Variants in LRRK2 observed in about 807,000 individuals in gnomAD.
LRRK2 encodes leucine-rich repeat serine/threonine-protein kinase 2.
LRRK2 carries 203 observed loss-of-function variants against 302.6 expected under a neutral mutation model. The observed-to-expected ratio is 0.67, with a 90% CI of 0.60 to 0.75. The LOEUF (loss-of-function observed/expected upper bound fraction) is 0.75, where lower values mean the gene tolerates loss of function less well. Among genes scored for constraint, LRRK2 ranks in the 30% least tolerant of loss-of-function variants. The probability of loss-of-function intolerance (pLI) is 0.00; values close to 1 mark genes in which losing one functional copy is unlikely to be tolerated. For missense variants in LRRK2, 2,830 were observed against 2,951.0 expected (o/e 0.96, Z 0.95); for synonymous variants, 1,066 against 1,031.9 (o/e 1.03, Z -0.63).
chr12:40,247,417 C>A (rs1942031547), intron 7 of LRRK2, among the ~76,000 whole-genome samples: 1 of 107,354 alleles, frequency 9.3e-6, no homozygotes, highest in African/African-American at 2.8e-5. Context: ...TCACATACTT[C>A]ATATATATGA....
At chr12:40,354,524 T>C in intron 45 of LRRK2, 32 bp downstream of exon 45, 1 of 1,578,166 alleles carries the variant, frequency 6.3e-7, no homozygotes, top group South Asian at 1.1e-5. Context: ...ATGGGGAAAT[T>C]ACAGATCTTT....
At chr12:40,364,651 T>C (rs545347497) in intron 48 of LRRK2, among the ~76,000 whole-genome samples, 191 bp from the exon 49 acceptor site, 1 of 152,132 alleles carries the variant, frequency 6.6e-6, no homozygotes, top group East Asian at 1.9e-4. Context: ...TGATAATTTA[T>C]GCTTCAAGTA....
intron 14 of LRRK2, among the ~76,000 whole-genome samples, chr12:40,269,899 G>A (rs1375287347): frequency 6.6e-6 from 1 of 151,978 alleles, no homozygotes; most frequent in Non-Finnish European, 1.5e-5. Context: ...GTATATGTTT[G>A]CTTTTATAGC....
chr12:40,305,535 T>C (rs1944786601), intron 27 of LRRK2, among the ~76,000 whole-genome samples: 1 of 152,152 alleles, frequency 6.6e-6, no homozygotes, highest in Non-Finnish European at 1.5e-5. Context: ...CCAAAGGAGA[T>C]TGGGTTTTTT....
At chr12:40,322,203 T>A in intron 36 of LRRK2, 22 bp downstream of exon 36, 1 of 1,601,298 alleles carries the variant, frequency 6.2e-7, no homozygotes, top group Middle Eastern at 1.7e-4. Flanking sequence ...AATTTGAATG[T>A]TTTCAATTGC....
intron 12 of LRRK2, among the ~76,000 whole-genome samples, chr12:40,258,905 C>G (rs987053452): frequency 7.2e-5 from 11 of 152,126 alleles, no homozygotes; most frequent in African/African-American, 2.4e-4. Context: ...GTTCATAGTA[C>G]CTACTGCATT....
At chr12:40,242,065 C>T (rs1347418574) in intron 6 of LRRK2, among the ~76,000 whole-genome samples, 2 of 152,054 alleles carry the variant, frequency 1.3e-5, no homozygotes, top group African/African-American at 2.4e-5. Flanking sequence ...TTGGACATAA[C>T]TCCAGTAAAA....
In LRRK2 at chr12:40,328,266, A is replaced by T. The variant is rs1665356730; in HGVS notation, c.5657-94A>T. On this transcript the variant is annotated intron_variant, in intron 38 of 50. Transcript: ENST00000298910. ...ACAAGTAGGTCAGGTTTCTATTCAA[A>T]TTTACAACAGATATAATTACAACAG... The T allele has an allele frequency of 4.1e-6, 4 of 970,688 alleles. No individual in the cohort carries two copies. In the South Asian group the frequency reaches 5.5e-5, roughly 13 times the overall value. 60.1% of individuals were successfully genotyped at this position (970,688 alleles called of 1,614,324 possible). A position where few individuals can be genotyped will look rare whatever the true frequency, so the allele number is the denominator to read the frequency against.
intron 19 of LRRK2, among the ~76,000 whole-genome samples, chr12:40,285,960 A>G (rs1234039714): frequency 6.6e-6 from 1 of 152,124 alleles, no homozygotes; most frequent in Non-Finnish European, 1.5e-5. Context: ...TTACTGAGAC[A>G]TGGTTAGATC....
intron 20 of LRRK2, among the ~76,000 whole-genome samples, chr12:40,290,728 C>T (rs1340414523): frequency 6.6e-6 from 1 of 151,786 alleles, no homozygotes; most frequent in Non-Finnish European, 1.5e-5. Flanking sequence ...TTTAATTATC[C>T]TGTTAATCTC....
intron 42 of LRRK2, among the ~76,000 whole-genome samples, chr12:40,347,520 G>T (rs1344835175): frequency 6.6e-6 from 1 of 152,134 alleles, no homozygotes; most frequent in Non-Finnish European, 1.5e-5. Flanking sequence ...ACTTTTGAGT[G>T]TACACAATGT....
At chr12:40,302,165 G>C (rs535761726) in intron 25 of LRRK2, among the ~76,000 whole-genome samples, 1 of 151,930 alleles carries the variant, frequency 6.6e-6, no homozygotes, top group African/African-American at 2.4e-5. Context: ...GCAACAGAGC[G>C]AGACTCTGTC....
chr12:40,365,321 A>G (rs1400513943), intron 49 of LRRK2: 4 of 386,538 alleles, frequency 1.0e-5, no homozygotes, highest in Non-Finnish European at 1.4e-5. Context: ...ACCTAAGGCA[A>G]AAATGGGAAA....
chr12:40,363,601 C>A, intron 48 of LRRK2, 47 bp downstream of exon 48: 3 of 1,587,066 alleles, frequency 1.9e-6, no homozygotes, highest in Non-Finnish European at 2.6e-6. Context: ...ATTATCTTTG[C>A]ACTTCATGTG....
chr12:40,346,619 A>T (rs1235928152), intron 41 of LRRK2, 134 bp from the exon 42 acceptor site: 4 of 811,146 alleles, frequency 4.9e-6, no homozygotes, highest in Non-Finnish European at 6.0e-6. Context: ...GTACCTTGTT[A>T]TAAAAATAAC....
At position 40,350,574 on chromosome 12, in the gene LRRK2, G is replaced by A. The variant is rs548144416; in HGVS notation, c.6382-965G>A. Among the ~76,000 whole-genome samples, 4 of 152,264 alleles carry A rather than the reference G, an allele frequency of 2.6e-5. No homozygotes were observed. The South Asian group carries it at 8.3e-4, about 32-fold the overall frequency. The stretch of plus-strand genomic sequence containing the variant: ...TTTAATAAATGTGGGTTATCTTTAT[G>A]TTGTGAGCTCTTGATTTGGTATTAT... On this transcript the variant is annotated intron_variant, in intron 43 of 50. Transcript: ENST00000298910.
In LRRK2 at chr12:40,251,261, G is replaced by C; in HGVS notation, c.988G>C (p.Glu330Gln). The C allele has an allele frequency of 6.2e-7, 1 of 1,603,816 alleles. No homozygotes were observed. The highest frequency in any genetic ancestry group is 8.5e-7 in the Non-Finnish European group (1 of 1,173,588). ...GACTATTTTCTTAAATCAAGATTTAGAGGAAAAGAATGAGAATCAAGAGAA... is the reference window on the plus strand; with the variant it reads ...GACTATTTTCTTAAATCAAGATTTACAGGAAAAGAATGAGAATCAAGAGAA... ...TETIFLNQDLEEKNENQENDD... is the reference protein window; with the variant it reads ...TETIFLNQDLQEKNENQENDD... The change falls in exon 9 of 51, where the codon GAG becomes CAG. Residue 330 changes from glutamate to glutamine, a missense_variant. This residue lies in a region of LRRK2 where 2,121 missense variants were observed against 2,148.0 expected (regional missense o/e 0.99). Transcript: ENST00000298910.
chr12:40,278,185 G>A lies in LRRK2; in HGVS notation c.2165G>A (p.Ser722Asn), dbSNP rs757594705. Residue 722 changes from serine (S) to asparagine (N), a missense_variant, in exon 18 of 51, where the codon AGC becomes AAC. By Grantham distance (46) the Ser-to-Asn change is conservative (BLOSUM62 1). Around this residue, in one of 3 missense-constraint regions of LRRK2, gnomAD observed 2,121 missense variants for 2,148.0 expected, o/e 0.99. Coordinates refer to ENST00000298910, the MANE Select transcript of LRRK2 (RefSeq NM_198578.4). ...MLERACDQNNSIMVECLLLLG... is the reference protein window; with the variant it reads ...MLERACDQNNNIMVECLLLLG... Reference sequence around the variant, plus strand: ...GAGAGAGCGTGTGATCAGAATAACAGCATCATGGTTGAATGCTTGCTTCTA... The same window carrying A: ...GAGAGAGCGTGTGATCAGAATAACAACATCATGGTTGAATGCTTGCTTCTA... The A allele has an allele frequency of 1.9e-6, 3 of 1,614,114 alleles. No homozygotes were observed. The highest frequency in any genetic ancestry group is 3.3e-5 in the Admixed American group (2 of 60,030).
At chr12:40,254,437 C>T (rs1266839693) in intron 11 of LRRK2, among the ~76,000 whole-genome samples, 2 of 152,116 alleles carry the variant, frequency 1.3e-5, no homozygotes, top group Non-Finnish European at 2.9e-5. Flanking sequence ...AGGGGCTGCT[C>T]TCAAGGATAA....
Sources: allele counts gnomAD v4.1 joint callset (sites outside exome capture counted in the v4.1 genomes callset), GRCh38; gene constraint gnomAD v4.1.1; regional missense constraint gnomAD v4.1.1; transcripts MANE v1.5; gene names NCBI Gene and HGNC (gene_info 2026-07-23, HGNC 2026-07-21).